Variants in FBXL20 observed in about 807,000 individuals in gnomAD.
FBXL20 encodes the protein F-box/LRR-repeat protein 20.
Under a neutral mutation model 64.0 loss-of-function variants are expected in FBXL20, and 11 were observed. That is an observed-to-expected ratio of 0.17 (90% CI 0.11 to 0.28). The LOEUF is 0.28. Among genes scored for constraint, FBXL20 ranks in the 10% least tolerant of loss-of-function variants. The probability of loss-of-function intolerance (pLI) is 1.00; values close to 1 mark genes in which losing one functional copy is unlikely to be tolerated. For missense variants in FBXL20, 303 were observed against 526.2 expected (o/e 0.58, Z 4.15); for synonymous variants, 184 against 189.0 (o/e 0.97, Z 0.22).
chr17:39,369,170 A>C (rs2047890436), intron 1 of FBXL20, among the ~76,000 whole-genome samples: 1 of 152,116 alleles, frequency 6.6e-6, no homozygotes, highest in South Asian at 2.1e-4. Flanking sequence ...AAAAATCATA[A>C]AGTACAGTAT....
chr17:39,288,176 A>AG (rs1169453633), intron 6 of FBXL20, among the ~76,000 whole-genome samples: 1 of 152,004 alleles, frequency 6.6e-6, no homozygotes, highest in Non-Finnish European at 1.5e-5. Context: ...CAAGTTAGTC[A>AG]GGCTGGTCTC....
At chr17:39,293,188 C>G (rs2047056104) in intron 6 of FBXL20, among the ~76,000 whole-genome samples, 2 of 150,804 alleles carry the variant, frequency 1.3e-5, no homozygotes, top group African/African-American at 4.9e-5. Context: ...GAGTGCTGAG[C>G]TGTGTTTTGG....
chr17:39,295,784 G>GATATAT (rs10568875), intron 6 of FBXL20, among the ~76,000 whole-genome samples: 85 of 137,098 alleles, frequency 6.2e-4, no homozygotes, highest in African/African-American at 1.3e-3. Context: ...CAAATATGGA[G>GATATAT]ATATATATAT....
chr17:39,304,850 C>T (rs111239160), intron 2 of FBXL20, among the ~76,000 whole-genome samples: 1 of 151,994 alleles, frequency 6.6e-6, no homozygotes, highest in Non-Finnish European at 1.5e-5. Flanking sequence ...GGCATGATCT[C>T]GGTTCAAGTG....
rs2046732761 is a variant in FBXL20 at position 39,260,173 on chromosome 17, G to C, written c.*1287C>G. Reference sequence around the variant, plus strand: ...TGAAATGGGGGAAAAGAGAGAAACAGACTGGCTAGAATACACAGCTCCTCT... The same window carrying C: ...TGAAATGGGGGAAAAGAGAGAAACACACTGGCTAGAATACACAGCTCCTCT... On this transcript the variant is annotated 3_prime_UTR_variant, in exon 15 of 15. Transcript: ENST00000264658. 1 of 152,000 alleles carries C rather than the reference G, an allele frequency of 6.6e-6. No homozygotes were observed. Among genetic ancestry groups the C allele is most frequent in the Non-Finnish European group, 1.5e-5 (1 of 68,016 alleles). The allele number at this position is 152,000 out of a possible 1,614,324, so 9.4% of individuals were successfully genotyped here. A position where few individuals can be genotyped will look rare whatever the true frequency, so the allele number is the denominator to read the frequency against.
intron 1 of FBXL20, among the ~76,000 whole-genome samples, chr17:39,363,879 ATATCTTTTTTTT>A (rs1216417676): frequency 1.8e-4 from 23 of 130,818 alleles, no homozygotes; most frequent in African/African-American, 6.4e-4. Context: ...CCAATGAATC[ATATCTTTTTTTT>A]TTTTTTTTTT....
At chr17:39,374,932 G>A (rs907169036) in intron 1 of FBXL20, among the ~76,000 whole-genome samples, 43 of 152,164 alleles carry the variant, frequency 2.8e-4, no homozygotes, top group African/African-American at 1.0e-3. Context: ...GACTACAGGC[G>A]CGTGCCACCA....
At chr17:39,359,949 TTACA>T (rs779973739) in intron 1 of FBXL20, among the ~76,000 whole-genome samples, 31 of 152,156 alleles carry the variant, frequency 2.0e-4, no homozygotes, top group Non-Finnish European at 3.8e-4. Context: ...AAAGCAATTA[TTACA>T]TACAGAATTA....
rs759727371 is a variant in FBXL20 at position 39,401,423 on chromosome 17, G to C, written c.-21C>G. ...CTCATGGGGCCGGCGGGTGCGGCCC[G>C]GGCCGGGCGCTGCGGCGAGCGGAGT... On this transcript the variant is annotated 5_prime_UTR_variant, in exon 1 of 15. Coordinates refer to ENST00000264658, the MANE Select transcript of FBXL20 (RefSeq NM_032875.3). 2.5e-6 allele frequency: 4 copies of C among 1,586,006 alleles called. No individual in the cohort carries two copies. The highest frequency in any genetic ancestry group is 1.8e-5 in the Admixed American group (1 of 55,894).
At chr17:39,331,142 T>C (rs1200905495) in intron 2 of FBXL20, among the ~76,000 whole-genome samples, 1 of 152,226 alleles carries the variant, frequency 6.6e-6, no homozygotes, top group Non-Finnish European at 1.5e-5. Context: ...AGTCTCGCTC[T>C]GCGCCCAGGC....
At chr17:39,344,797 ATAAAAAT>A (rs927641031) in intron 1 of FBXL20, among the ~76,000 whole-genome samples, 2 of 152,180 alleles carry the variant, frequency 1.3e-5, no homozygotes, top group Non-Finnish European at 2.9e-5. Flanking sequence ...CTCAATAAAA[ATAAAAAT>A]TAAAAAAGGA....
chr17:39,306,260 C>T (rs1441923485), intron 2 of FBXL20, among the ~76,000 whole-genome samples: 2 of 151,696 alleles, frequency 1.3e-5, no homozygotes, highest in African/African-American at 2.4e-5. Context: ...ACGTGATTCG[C>T]CTGTCTCAGC....
intron 2 of FBXL20, among the ~76,000 whole-genome samples, chr17:39,314,762 T>C (rs1003247072): frequency 2.6e-5 from 4 of 151,866 alleles, no homozygotes; most frequent in African/African-American, 9.7e-5. Flanking sequence ...TCACGAGCAG[T>C]TTGTGAGGGT....
chr17:39,312,568 CTTTTTTT>C (rs750605079), intron 2 of FBXL20, among the ~76,000 whole-genome samples: 3 of 91,712 alleles, frequency 3.3e-5, no homozygotes, highest in Admixed American at 1.3e-4. Context: ...TAAATTCTAT[CTTTTTTT>C]TTTTTTTTTT....
chr17:39,377,430 A>C (rs1330566857), intron 1 of FBXL20, among the ~76,000 whole-genome samples: 1 of 151,886 alleles, frequency 6.6e-6, no homozygotes, highest in Admixed American at 6.6e-5. Context: ...AGTAATAATA[A>C]AACTCCCGTT....
chr17:39,337,852 C>T (rs1215915133), intron 2 of FBXL20, among the ~76,000 whole-genome samples: 1 of 151,532 alleles, frequency 6.6e-6, no homozygotes, highest in Non-Finnish European at 1.5e-5. Flanking sequence ...CCAGCCGCCC[C>T]GTCCAGGAGG....
intron 7 of FBXL20, among the ~76,000 whole-genome samples, chr17:39,284,809 AC>A (rs2046974988): frequency 6.6e-6 from 1 of 152,196 alleles, no homozygotes; most frequent in Non-Finnish European, 1.5e-5. Context: ...ACCTTGTTAA[AC>A]CTTAATAAAA....
chr17:39,396,220 A>G (rs1366999213), intron 1 of FBXL20, among the ~76,000 whole-genome samples: 1 of 152,096 alleles, frequency 6.6e-6, no homozygotes, highest in Non-Finnish European at 1.5e-5. Flanking sequence ...GATGCATAGG[A>G]TTCTAGAAAA....
chr17:39,368,877 G>C (rs1036043170), intron 1 of FBXL20, among the ~76,000 whole-genome samples: 2 of 151,990 alleles, frequency 1.3e-5, no homozygotes, highest in African/African-American at 4.8e-5. Flanking sequence ...GGATGGTCTC[G>C]ATCTCCTCAC....
Sources: gnomAD v4.1 joint callset for allele counts (sites outside exome capture counted in the v4.1 genomes callset) on GRCh38, gnomAD v4.1.1 for gene constraint, MANE v1.5 for transcripts, NCBI Gene and HGNC (gene_info 2026-07-23, HGNC 2026-07-21) for gene names.